The following SND1 variants were observed in gnomAD, a reference collection of about 807,000 sequenced individuals.
SND1 encodes the protein staphylococcal nuclease and tudor domain containing 1.
SND1 carries 38 observed loss-of-function variants against 121.7 expected under a neutral mutation model. The observed-to-expected ratio is 0.31, with a 90% CI of 0.24 to 0.41. SND1 has a LOEUF of 0.41. Ranked by LOEUF, SND1 falls within the 10% of genes least tolerant of loss-of-function variation. SND1 has a pLI of 1.00. For missense variants in SND1, 868 were observed against 1,184.6 expected (o/e 0.73, Z 3.92); for synonymous variants, 401 against 447.4 (o/e 0.90, Z 1.31).
At chr7:127,701,457 TA>T (rs757055699) in intron 5 of SND1, 134 bp downstream of exon 5, 18 of 856,680 alleles carry the variant, frequency 2.1e-5, no homozygotes, top group Non-Finnish European at 3.0e-5. Context: ...TCCTTAAGGT[TA>T]AAACAGCACC....
At chr7:127,798,083 T>C (rs1232255588) in intron 10 of SND1, among the ~76,000 whole-genome samples, 1 of 152,170 alleles carries the variant, frequency 6.6e-6, no homozygotes, top group Non-Finnish European at 1.5e-5. Flanking sequence ...TTGAAAATGG[T>C]ACTTTAATTT....
At chr7:127,978,102 G>A (rs935452655) in intron 15 of SND1, among the ~76,000 whole-genome samples, 1 of 152,152 alleles carries the variant, frequency 6.6e-6, no homozygotes, top group African/African-American at 2.4e-5. Context: ...AGTGAATGGA[G>A]AAGGTGAGAA....
intron 1 of SND1, among the ~76,000 whole-genome samples, chr7:127,680,621 T>TTC (rs1481070013): frequency 6.6e-6 from 1 of 151,838 alleles, no homozygotes; most frequent in Non-Finnish European, 1.5e-5. Flanking sequence ...GAGTTTAAGG[T>TTC]TCTCTCTCTT....
intron 16 of SND1, among the ~76,000 whole-genome samples, chr7:128,063,869 C>T (rs1026571705): frequency 6.6e-6 from 1 of 152,206 alleles, no homozygotes; most frequent in Non-Finnish European, 1.5e-5. Context: ...GTCTGTGGAG[C>T]TGGGAGTTGT....
At position 128,029,322 on chromosome 7, in the gene SND1, T is replaced by C. The variant is rs748553631; in HGVS notation, c.1779+38266T>C. On this transcript the variant is annotated intron_variant, in intron 16 of 23. Transcript: ENST00000354725. The surrounding 1 kb of genome is among the most constrained non-coding windows in gnomAD (Gnocchi z 4.2). ...GGTGTTAAGCTCAGCCGTGCTCACA[T>C]TGAGGTAGGCCGAGGCGTTGGAGTT... The C allele has an allele frequency of 3.1e-6, 5 of 1,613,990 alleles. No homozygotes were observed. Among genetic ancestry groups the C allele is most frequent in the African/African-American group, 2.7e-5 (2 of 74,892 alleles).
intron 10 of SND1, among the ~76,000 whole-genome samples, chr7:127,733,775 C>T (rs1230477464): frequency 6.6e-6 from 1 of 152,134 alleles, no homozygotes; most frequent in South Asian, 2.1e-4. Context: ...TATTTGGGGC[C>T]TGCCACTGAC....
chr7:127,722,390 C>T lies in SND1; in HGVS notation c.1152+990C>T, dbSNP rs368767663. On this transcript the variant is annotated intron_variant, in intron 10 of 23. Coordinates refer to ENST00000354725, the MANE Select transcript of SND1 (RefSeq NM_014390.4). ...TGGCTATTCACAGGTGTGATCATTG[C>T]GCCCTGCAACTTCAAACTCCTGGGC... Among the ~76,000 whole-genome samples the T allele has an allele frequency of 1.9e-4, 29 of 150,960 alleles. 1 individual carries two copies. In the East Asian group the frequency reaches 2.2e-3, roughly 11 times the overall value.
chr7:127,694,895 T>A lies in SND1; in HGVS notation c.296T>A (p.Ile99Lys). The A allele has an allele frequency of 6.2e-7, 1 of 1,613,962 alleles. No individual in the cohort carries two copies. Among genetic ancestry groups the A allele is most frequent in the Non-Finnish European group, 8.5e-7 (1 of 1,179,884 alleles). ...ATTGGGAAGGAAGTCTGTTTCACGA[T>A]AGAAAACAAGACTCCCCAGGGGCGA... ...KLIGKEVCFT[I>K]ENKTPQGREY... The change falls in exon 3 of 24, where the codon ATA (isoleucine) becomes AAA (lysine). Residue 99 changes from isoleucine to lysine, a missense_variant. By Grantham distance (102) the Ile-to-Lys change is moderately radical (BLOSUM62 -3). This residue lies in a region of SND1 where 743 missense variants were observed against 1,071.3 expected (regional missense o/e 0.69). Transcript: ENST00000354725.
chr7:128,065,708 C>T (rs1793301445), intron 16 of SND1, among the ~76,000 whole-genome samples: 1 of 152,198 alleles, frequency 6.6e-6, no homozygotes, highest in African/African-American at 2.4e-5. Context: ...GAACATGGGC[C>T]ACTGCTGCTG....
At chr7:128,031,044 A>AGAGGGGAGGGGAGGGGAGGG (rs891308260) in intron 16 of SND1, 1 of 64,706 alleles carries the variant, frequency 1.5e-5, no homozygotes, top group Non-Finnish European at 3.4e-5. Context: ...CGGGGAGGGC[A>AGAGGGGAGGGGAGGGGAGGG]GAGGGGAGGG....
At chr7:127,917,917 A>G (rs966001944) in intron 14 of SND1, among the ~76,000 whole-genome samples, 4 of 152,228 alleles carry the variant, frequency 2.6e-5, no homozygotes, top group Non-Finnish European at 5.9e-5. Context: ...AAATATGTAG[A>G]ACAATTAATT....
chr7:127,671,006 G>A (rs1325936931), intron 1 of SND1, among the ~76,000 whole-genome samples: 1 of 152,166 alleles, frequency 6.6e-6, no homozygotes, highest in Non-Finnish European at 1.5e-5. Context: ...TAATGAAACA[G>A]TGCATGGATC....
At chr7:127,729,485 A>C (rs1041045415) in intron 10 of SND1, among the ~76,000 whole-genome samples, 1 of 146,132 alleles carries the variant, frequency 6.8e-6, no homozygotes, top group Non-Finnish European at 1.5e-5. Flanking sequence ...TATTCAAGGC[A>C]AGTTTAGTGC....
rs551030573 is a variant in SND1, at chr7:127,881,870, C to T, written c.1344-6032C>T. 1.2e-4 allele frequency among the ~76,000 whole-genome samples: 18 copies of T among 152,230 alleles called. No individual in the cohort carries two copies. The South Asian group carries it at 2.5e-3, about 21-fold the overall frequency. Reference sequence around the variant, plus strand: ...CTCACTGTAGCCTTGATCTCCTGGACGCAAGAGATCCTCCTGCCTCGCCCT... The same window carrying T: ...CTCACTGTAGCCTTGATCTCCTGGATGCAAGAGATCCTCCTGCCTCGCCCT... On this transcript the variant is annotated intron_variant, in intron 12 of 23. Coordinates refer to ENST00000354725, the MANE Select transcript of SND1 (RefSeq NM_014390.4).
chr7:127,816,902 C>G (rs1483900965), intron 11 of SND1, among the ~76,000 whole-genome samples: 1 of 152,100 alleles, frequency 6.6e-6, no homozygotes, highest in Non-Finnish European at 1.5e-5. Flanking sequence ...CTCAGGTGAT[C>G]TGTCTGCTTT....
At chr7:127,744,929 A>G (rs1351732319) in intron 10 of SND1, among the ~76,000 whole-genome samples, 2 of 152,238 alleles carry the variant, frequency 1.3e-5, no homozygotes, top group African/African-American at 4.8e-5. Flanking sequence ...TCTAACTTGC[A>G]TCTTGCAAAT....
chr7:127,730,461 A>C (rs549498840), intron 10 of SND1, among the ~76,000 whole-genome samples: 1 of 152,332 alleles, frequency 6.6e-6, no homozygotes, highest in African/African-American at 2.4e-5. Context: ...CTCTGCTAGA[A>C]GCCACTTGAT....
chr7:127,722,299 A>G (rs1471701937), intron 10 of SND1, among the ~76,000 whole-genome samples: 1 of 145,568 alleles, frequency 6.9e-6, no homozygotes, highest in Non-Finnish European at 1.5e-5. Context: ...TGTACTATCT[A>G]CTGCCTGCTT....
intron 1 of SND1, among the ~76,000 whole-genome samples, chr7:127,679,458 A>G (rs1239294125): frequency 6.6e-6 from 1 of 152,198 alleles, no homozygotes; most frequent in East Asian, 1.9e-4. Flanking sequence ...GATATAATTA[A>G]CATACCATAA....
Sources: gnomAD v4.1 joint callset for allele counts (sites outside exome capture counted in the v4.1 genomes callset) on GRCh38, gnomAD v4.1.1 for gene constraint, gnomAD v4.1.1 regional missense constraint, Gnocchi (gnomAD v3.1) non-coding constraint, MANE v1.5 for transcripts, NCBI Gene and HGNC (gene_info 2026-07-23, HGNC 2026-07-21) for gene names.